DOCK4: variants seen among roughly 807,000 people sequenced by gnomAD.
DOCK4 encodes the protein dedicator of cytokinesis protein 4.
Under a neutral mutation model 268.1 loss-of-function variants are expected in DOCK4, and 97 were observed. That is an observed-to-expected ratio of 0.36 (90% CI 0.31 to 0.43). The LOEUF is 0.43. Ranked by LOEUF, DOCK4 falls within the 20% of genes least tolerant of loss-of-function variation. The pLI is 1.00. For synonymous variants in DOCK4, 954 were observed against 887.2 expected (o/e 1.08, Z -1.34); for missense variants, 2,145 against 2,455.7 (o/e 0.87, Z 2.67).
intron 4 of DOCK4, among the ~76,000 whole-genome samples, 169 bp downstream of exon 4, chr7:111,998,279 A>C (rs1022013386): frequency 5.3e-5 from 8 of 152,306 alleles, no homozygotes; most frequent in African/African-American, 1.9e-4. Context: ...GGGGTTCTTT[A>C]ATTTTCTCCA....
At chr7:111,776,160 C>T (rs1481142338) in intron 36 of DOCK4, among the ~76,000 whole-genome samples, 2 of 152,136 alleles carry the variant, frequency 1.3e-5, no homozygotes, top group Non-Finnish European at 2.9e-5. Flanking sequence ...AATTATCTGA[C>T]TTTTAAAAAA....
intron 8 of DOCK4, among the ~76,000 whole-genome samples, chr7:111,961,900 T>C (rs959846589): frequency 6.6e-6 from 1 of 152,228 alleles, no homozygotes; most frequent in Non-Finnish European, 1.5e-5. Flanking sequence ...TCTTTTCTCA[T>C]TGCTTTATGG....
chr7:111,746,004 G>GTTAT (rs1382158040), intron 44 of DOCK4, among the ~76,000 whole-genome samples: 2 of 152,076 alleles, frequency 1.3e-5, no homozygotes, highest in African/African-American at 2.4e-5. Flanking sequence ...AATAAATTTT[G>GTTAT]TTATTTGACT....
chr7:112,205,615 G>A (rs1392205330), intron 1 of DOCK4, among the ~76,000 whole-genome samples: 1 of 152,154 alleles, frequency 6.6e-6, no homozygotes, highest in African/African-American at 2.4e-5. Context: ...CCGAGCCAGA[G>A]GGAAGGGTTT....
chr7:112,091,850 T>A (rs1292985342), intron 1 of DOCK4, among the ~76,000 whole-genome samples: 1 of 152,208 alleles, frequency 6.6e-6, no homozygotes, highest in African/African-American at 2.4e-5. Context: ...AACTGAAAAG[T>A]GTCAAACCCA....
At chr7:111,981,787 C>A (rs946999807) in intron 7 of DOCK4, among the ~76,000 whole-genome samples, 1 of 152,120 alleles carries the variant, frequency 6.6e-6, no homozygotes, top group African/African-American at 2.4e-5. Context: ...TTCCCACCAA[C>A]GGCCAACATT....
chr7:111,778,526 A>G (rs1387636770), intron 35 of DOCK4, among the ~76,000 whole-genome samples, 157 bp from the exon 36 acceptor site: 1 of 152,190 alleles, frequency 6.6e-6, no homozygotes, highest in Non-Finnish European at 1.5e-5. Context: ...GCTCAGTGAC[A>G]GTGTCAGTCA....
At chr7:112,033,701 G>A (rs1803482445) in intron 1 of DOCK4, among the ~76,000 whole-genome samples, 1 of 152,186 alleles carries the variant, frequency 6.6e-6, no homozygotes, top group African/African-American at 2.4e-5. Flanking sequence ...TGGATGGAGA[G>A]AGCCAGCACT....
At chr7:111,783,833 A>T in intron 34 of DOCK4, 24 bp downstream of exon 34, 1 of 1,574,970 alleles carries the variant, frequency 6.3e-7, no homozygotes, top group South Asian at 1.2e-5. Flanking sequence ...ACTGGAGTTC[A>T]GAAAAACATG....
chr7:112,136,780 T>C (rs1814393928), intron 1 of DOCK4, among the ~76,000 whole-genome samples: 1 of 152,152 alleles, frequency 6.6e-6, no homozygotes, highest in African/African-American at 2.4e-5. Flanking sequence ...AAGCAGAGAC[T>C]GATGGATAAT....
chr7:112,034,904 A>AAAAC (rs1266471891), intron 1 of DOCK4, among the ~76,000 whole-genome samples: 13 of 152,176 alleles, frequency 8.5e-5, no homozygotes, highest in South Asian at 2.1e-4. Context: ...ACTCAGTCTC[A>AAAAC]AAACAAACAA....
intron 1 of DOCK4, among the ~76,000 whole-genome samples, chr7:112,008,241 A>G (rs1801012189): frequency 1.3e-5 from 2 of 152,202 alleles, no homozygotes; most frequent in African/African-American, 4.8e-5. Context: ...TGATGTGTTC[A>G]TCTCTGCCCA....
Position 111,816,458 on chromosome 7 carries a change from A to T in DOCK4, c.2931-4509T>A, listed in dbSNP as rs146737500. 5.8e-3 allele frequency among the ~76,000 whole-genome samples: 884 copies of T among 152,348 alleles called. 6 individuals carry two copies. The highest frequency in any genetic ancestry group is 0.02 in the African/African-American group (827 of 41,580). ...TCTAAACGAGTGGTTCTCAAACTTCAGCATGCATGAGAATCACCCAAAGGA... is the reference window on the plus strand; with the variant it reads ...TCTAAACGAGTGGTTCTCAAACTTCTGCATGCATGAGAATCACCCAAAGGA... On this transcript the variant is annotated intron_variant, in intron 27 of 52. Transcript: ENST00000428084.
intron 44 of DOCK4, among the ~76,000 whole-genome samples, chr7:111,743,661 TG>T (rs1280723243): frequency 6.6e-6 from 1 of 152,140 alleles, no homozygotes; most frequent in Non-Finnish European, 1.5e-5. Flanking sequence ...GACTCCAGCA[TG>T]GATTTCATAA....
intron 36 of DOCK4, among the ~76,000 whole-genome samples, chr7:111,770,766 T>C (rs1798079829): frequency 6.6e-6 from 1 of 152,254 alleles, no homozygotes; most frequent in South Asian, 2.1e-4. Flanking sequence ...GACATAATGA[T>C]AGCTTTTAAG....
At chr7:112,174,840 GTTTTAAAAAGTGGGT>G (rs1366056518) in intron 1 of DOCK4, among the ~76,000 whole-genome samples, 4 of 150,344 alleles carry the variant, frequency 2.7e-5, no homozygotes, top group African/African-American at 9.8e-5. Flanking sequence ...TTATCTCAAT[GTTTTAAAAAGTGGGT>G]TTTTTGGTTT....
chr7:111,921,272 T>C (rs1793113799), intron 12 of DOCK4, among the ~76,000 whole-genome samples: 1 of 152,198 alleles, frequency 6.6e-6, no homozygotes, highest in Non-Finnish European at 1.5e-5. Context: ...TGATTCATGA[T>C]TAAGTTCAGC....
At chr7:111,927,028 A>C (rs1019971941) in intron 12 of DOCK4, among the ~76,000 whole-genome samples, 2 of 152,216 alleles carry the variant, frequency 1.3e-5, no homozygotes. Context: ...GAATATGCTT[A>C]TTGCTGATTG....
At chr7:111,976,177 T>TATATATACACAC (rs1435347839) in intron 8 of DOCK4, among the ~76,000 whole-genome samples, 4 of 89,164 alleles carry the variant, frequency 4.5e-5, no homozygotes, top group African/African-American at 2.8e-4. Flanking sequence ...TATATATATA[T>TATATATACACAC]ACACACACAC....
Sources: allele counts gnomAD v4.1 joint callset (sites outside exome capture counted in the v4.1 genomes callset), GRCh38; gene constraint gnomAD v4.1.1; transcripts MANE v1.5; gene names NCBI Gene and HGNC (gene_info 2026-07-23, HGNC 2026-07-21).